Variants in CADM1 observed in about 807,000 individuals in gnomAD.
CADM1 encodes the protein TSLC-1.
CADM1 carries 15 observed loss-of-function variants against 53.1 expected under a neutral mutation model. The observed-to-expected ratio is 0.28, with a 90% CI of 0.19 to 0.44. The LOEUF is 0.44. CADM1 is among the 20% of genes least tolerant of loss of function. The probability of loss-of-function intolerance (pLI) is 1.00; values close to 1 mark genes in which losing one functional copy is unlikely to be tolerated. For missense variants in CADM1, 434 were observed against 611.3 expected (o/e 0.71, Z 3.06); for synonymous variants, 281 against 243.0 (o/e 1.16, Z -1.45).
At chr11:115,487,469 G>A (rs1235327333) in intron 1 of CADM1, among the ~76,000 whole-genome samples, 1 of 151,906 alleles carries the variant, frequency 6.6e-6, no homozygotes, top group East Asian at 1.9e-4. Flanking sequence ...ATAACTCTAT[G>A]CACTCACCTT....
chr11:115,458,385 T>A (rs1948723075), intron 1 of CADM1, among the ~76,000 whole-genome samples: 1 of 151,990 alleles, frequency 6.6e-6, no homozygotes, highest in Non-Finnish European at 1.5e-5. Flanking sequence ...AAAATGAGGA[T>A]AATAGTAGAC....
At chr11:115,300,620 C>T (rs1017489436) in intron 1 of CADM1, among the ~76,000 whole-genome samples, 1 of 152,024 alleles carries the variant, frequency 6.6e-6, no homozygotes, top group Non-Finnish European at 1.5e-5. Context: ...TATTTCTCAA[C>T]CTATACAAAG....
chr11:115,326,658 C>T (rs2135201394), intron 1 of CADM1, among the ~76,000 whole-genome samples: 1 of 152,272 alleles, frequency 6.6e-6, no homozygotes, highest in East Asian at 1.9e-4. Flanking sequence ...CTCTGTTTTG[C>T]TCAGCACCCA....
intron 1 of CADM1, among the ~76,000 whole-genome samples, chr11:115,375,338 T>C (rs560852272): frequency 1.3e-5 from 2 of 152,264 alleles, no homozygotes; most frequent in South Asian, 4.1e-4. Context: ...TGGTTATCAC[T>C]GGGGAGGAAG....
At chr11:115,232,603 A>G (rs1430723830) in intron 3 of CADM1, among the ~76,000 whole-genome samples, 14 of 152,326 alleles carry the variant, frequency 9.2e-5, no homozygotes, top group African/African-American at 3.1e-4. Flanking sequence ...ACGGATTGGG[A>G]AGTTAAAGTA....
chr11:115,335,456 T>C (rs548758764), intron 1 of CADM1, among the ~76,000 whole-genome samples: 1 of 148,784 alleles, frequency 6.7e-6, no homozygotes, highest in Non-Finnish European at 1.5e-5. Context: ...TAGCCTCATG[T>C]ATATATATAG....
Position 115,369,026 on chromosome 11 carries a change from TAAAAAAAAAAAAAA to T in CADM1, c.125-128620_125-128607del, listed in dbSNP as rs552309443. On this transcript the variant is annotated intron_variant, in intron 1 of 11. Transcript: ENST00000331581. ...GTGCCTAGCAGAGTGAAAAAAAATC[TAAAAAAAAAAAAAA>T]AAAAAAAAAAAAAATTAGGTAAGCA... Among the ~76,000 whole-genome samples the T allele has an allele frequency of 4.7e-4, 21 of 44,750 alleles. No homozygotes were observed. The East Asian group carries it at 7.7e-3, about 16-fold the overall frequency. 29.4% of individuals were successfully genotyped at this position (44,750 alleles called of 152,430 possible).
At chr11:115,196,458 A>C (rs995928951) in intron 9 of CADM1, among the ~76,000 whole-genome samples, 11 of 152,118 alleles carry the variant, frequency 7.2e-5, no homozygotes, top group African/African-American at 2.7e-4. Context: ...TATTTCTTCA[A>C]GGATCTCACA....
intron 1 of CADM1, among the ~76,000 whole-genome samples, chr11:115,272,077 A>ATTT (rs5794962): frequency 7.4e-5 from 11 of 148,028 alleles, no homozygotes; most frequent in African/African-American, 2.7e-4. Context: ...TTCATTATAG[A>ATTT]TTTTTTTTTT....
intron 1 of CADM1, among the ~76,000 whole-genome samples, chr11:115,374,600 A>G (rs1275693161): frequency 6.6e-6 from 1 of 152,186 alleles, no homozygotes; most frequent in African/African-American, 2.4e-5. Flanking sequence ...ACAAAAAGGT[A>G]CAGACATTAT....
At chr11:115,284,550 T>C (rs562022618) in intron 1 of CADM1, among the ~76,000 whole-genome samples, 6 of 151,276 alleles carry the variant, frequency 4.0e-5, no homozygotes, top group East Asian at 1.9e-4. Context: ...AAGAGGAAGA[T>C]AGTTTTCAAA....
At chr11:115,435,195 C>G (rs1028315244) in intron 1 of CADM1, among the ~76,000 whole-genome samples, 3 of 151,942 alleles carry the variant, frequency 2.0e-5, no homozygotes, top group African/African-American at 7.3e-5. Flanking sequence ...CACTTTCTCA[C>G]ACAGTTACTA....
At chr11:115,349,000 T>A (rs914190870) in intron 1 of CADM1, among the ~76,000 whole-genome samples, 1 of 152,186 alleles carries the variant, frequency 6.6e-6, no homozygotes, top group Non-Finnish European at 1.5e-5. Context: ...CAAAGGAAAC[T>A]CAGTACTAAA....
In CADM1 at chr11:115,194,513, G is replaced by T. The variant is rs373643475; in HGVS notation, c.1112-3572C>A. 5.9e-5 allele frequency among the ~76,000 whole-genome samples: 9 copies of T among 152,242 alleles called. No homozygotes were observed. In the East Asian group the frequency reaches 9.7e-4, roughly 16 times the overall value. On this transcript the variant is annotated intron_variant, in intron 9 of 11. Transcript: ENST00000331581. ...TTCTTCAGAGGGGTTTCCAGTTTGC[G>T]TCTTACCACAATTGCATACTGAATT...
At position 115,503,008 on chromosome 11, in the gene CADM1, G is replaced by T. The variant is rs187021371; in HGVS notation, c.124+1263C>A. Among the ~76,000 whole-genome samples the T allele has an allele frequency of 5.4e-3, 817 of 152,264 alleles. 6 individuals carry two copies. Among genetic ancestry groups the T allele is most frequent in the African/African-American group, 0.019 (769 of 41,566 alleles). ...GGAGCTGCAAGGAGGGGCTTTGCAG[G>T]CTCAGAGCCCTGCTGCATCCCCTCC... On this transcript the variant is annotated intron_variant, in intron 1 of 11. Transcript: ENST00000331581.
intron 1 of CADM1, among the ~76,000 whole-genome samples, chr11:115,455,399 A>G (rs1422255768): frequency 1.3e-5 from 2 of 152,022 alleles, no homozygotes; most frequent in African/African-American, 2.4e-5. Context: ...AGGCAAAAAA[A>G]AAATCATATA....
intron 7 of CADM1, among the ~76,000 whole-genome samples, chr11:115,211,773 G>A (rs1940978425): frequency 6.6e-6 from 1 of 151,852 alleles, no homozygotes; most frequent in Non-Finnish European, 1.5e-5. Context: ...ACAGGCGTGA[G>A]CCACCACGCC....
At chr11:115,470,660 CCT>C (rs1324718416) in intron 1 of CADM1, among the ~76,000 whole-genome samples, 6 of 152,082 alleles carry the variant, frequency 3.9e-5, no homozygotes, top group African/African-American at 1.4e-4. Context: ...TTACTAAGGG[CCT>C]ACTATGCAGC....
At chr11:115,356,597 AT>A (rs931286593) in intron 1 of CADM1, among the ~76,000 whole-genome samples, 7 of 152,108 alleles carry the variant, frequency 4.6e-5, no homozygotes, top group African/African-American at 1.4e-4. Flanking sequence ...CTTATAAGGG[AT>A]TTTTTTTAAA....
Sources: gnomAD v4.1 joint callset for allele counts (sites outside exome capture counted in the v4.1 genomes callset) on GRCh38, gnomAD v4.1.1 for gene constraint, MANE v1.5 for transcripts, NCBI Gene and HGNC (gene_info 2026-07-23, HGNC 2026-07-21) for gene names.